The following SULT1E1 variants were observed in gnomAD, a reference collection of about 807,000 sequenced individuals.
SULT1E1 encodes the protein sulfotransferase 1E1.
Under a neutral mutation model 33.6 loss-of-function variants are expected in SULT1E1, and 36 were observed. The observed-to-expected ratio is 1.07, with a 90% CI of 0.82 to 1.41. The LOEUF is 1.41. Ranked by LOEUF, SULT1E1 falls within the 40% of genes most tolerant of loss-of-function variation. The pLI is 0.00. For missense variants in SULT1E1, 371 were observed against 345.7 expected (o/e 1.07, Z -0.58); for synonymous variants, 121 against 111.7 (o/e 1.08, Z -0.53).
chr4:69,845,254 A>G lies in SULT1E1; in HGVS notation c.592-913T>C, dbSNP rs532743057. 2.6e-4 allele frequency among the ~76,000 whole-genome samples: 39 copies of G among 152,100 alleles called. No individual in the cohort carries two copies. The South Asian group carries it at 4.6e-3, about 18-fold the overall frequency. ...TATCATGGTGACTACAGTAGACAAT[A>G]ATTTATTGTACATTTTAAAATAATT... is the stretch of plus-strand genomic sequence containing the variant. On this transcript the variant is annotated intron_variant, in intron 6 of 7. Transcript: ENST00000226444.
the SULT1E1 span, among the ~76,000 whole-genome samples, chr4:69,829,680 A>C: frequency 2.6e-5 from 4 of 152,180 alleles, no homozygotes; most frequent in Non-Finnish European, 5.9e-5. Context: ...ACAATTTGGA[A>C]GGTATAGGAA....
intron 6 of SULT1E1, among the ~76,000 whole-genome samples, chr4:69,847,394 G>T (rs1720999307): frequency 1.3e-5 from 2 of 151,476 alleles, no homozygotes; most frequent in South Asian, 4.2e-4. Flanking sequence ...GATTCCTTGT[G>T]TGTGAATGTG....
the SULT1E1 span, among the ~76,000 whole-genome samples, chr4:69,824,964 C>T: frequency 3.2e-4 from 49 of 152,302 alleles, no homozygotes; most frequent in Non-Finnish European, 5.7e-4. Flanking sequence ...GTTGCTCTTT[C>T]GGGTCACTAC....
the SULT1E1 span, among the ~76,000 whole-genome samples, chr4:69,832,810 A>T: frequency 6.6e-6 from 1 of 150,854 alleles, no homozygotes; most frequent in African/African-American, 2.5e-5. Flanking sequence ...AAGAACTCAT[A>T]ACACTTACAG....
chr4:69,859,425 T>C (rs976254552), intron 1 of SULT1E1, among the ~76,000 whole-genome samples: 1 of 152,110 alleles, frequency 6.6e-6, no homozygotes, highest in African/African-American at 2.4e-5. Flanking sequence ...TTTACCTGTA[T>C]GAGGGCAAAG....
At chr4:69,833,144 T>C in the SULT1E1 span, among the ~76,000 whole-genome samples, 1 of 152,230 alleles carries the variant, frequency 6.6e-6, no homozygotes, top group Non-Finnish European at 1.5e-5. Flanking sequence ...CTGCAATTTA[T>C]ATGGAACCCT....
chr4:69,829,424 T>C, the SULT1E1 span, among the ~76,000 whole-genome samples: 1 of 152,208 alleles, frequency 6.6e-6, no homozygotes, highest in Non-Finnish European at 1.5e-5. Flanking sequence ...CCTGATTTAC[T>C]GTCAGTCCAA....
chr4:69,823,782 A>C, the SULT1E1 span, among the ~76,000 whole-genome samples: 2 of 152,192 alleles, frequency 1.3e-5, no homozygotes, highest in Non-Finnish European at 2.9e-5. Context: ...TAGCTCTGCT[A>C]TCTGAGCAGA....
Position 69,849,437 on chromosome 4 carries a change from C to G in SULT1E1, c.496G>C (p.Val166Leu). The change falls in exon 5 of 8, where the codon GTT becomes CTT. Residue 166 changes from valine to leucine, a missense_variant and splice_region_variant. By Grantham distance (32) the Val-to-Leu change is conservative. Coordinates refer to ENST00000226444, the MANE Select transcript of SULT1E1 (RefSeq NM_005420.3). ...EFVEKFMQGQ[V>L]PYGSWYKHVK... ...TTCAGTGTAAAGAAGCTGTTCCTAC[C>G]CTGTCCTTGCATGAATTTCTCCACA... is the stretch of plus-strand genomic sequence containing the variant. 1 of 1,608,750 alleles carries G rather than the reference C, an allele frequency of 6.2e-7. No homozygotes were observed. The highest frequency in any genetic ancestry group is 8.5e-7 in the Non-Finnish European group (1 of 1,176,284).
chr4:69,823,863 A>AT, the SULT1E1 span, among the ~76,000 whole-genome samples: 7,097 of 151,666 alleles, frequency 0.047, 554 homozygotes, highest in African/African-American at 0.16. Context: ...CGCTCAGTGG[A>AT]CCCCCCCTAG....
Position 69,844,278 on chromosome 4 carries a change from C to T in SULT1E1, c.655G>A (p.Val219Met). 2 of 1,613,872 alleles carry T rather than the reference C, an allele frequency of 1.2e-6. No individual in the cohort carries two copies. The highest frequency in any genetic ancestry group is 1.7e-6 in the Non-Finnish European group (2 of 1,179,842). The change falls in exon 7 of 8, where the codon GTG becomes ATG. Residue 219 changes from valine to methionine, a missense_variant. Transcript: ENST00000226444. ...FLERKPSEEL[V>M]DRIIHHTSFQ... ...GAAGTATGATGTATAATCCTGTCCA[C>T]AAGCTCCTCTGATGGCTTCCTTTCC...
chr4:69,856,996 A>AT lies in SULT1E1; in HGVS notation c.145+503dup, dbSNP rs1282911068. ...GGGCATACTTAGTGTGTTTGGCTTT[A>AT]TTTTTAAGTGGTAAATGGAACAACC... On this transcript the variant is annotated intron_variant, in intron 2 of 7. Transcript: ENST00000226444. 2.1e-5 allele frequency among the ~76,000 whole-genome samples: 3 copies of AT among 144,304 alleles called. No individual in the cohort carries two copies. In the East Asian group the frequency reaches 6.4e-4, roughly 31 times the overall value. The allele number at this position is 144,304 out of a possible 152,430, so 94.7% of individuals were successfully genotyped here. A position where few individuals can be genotyped will look rare whatever the true frequency, so the allele number is the denominator to read the frequency against.
At chr4:69,851,515 C>T (rs1361156110) in intron 4 of SULT1E1, among the ~76,000 whole-genome samples, 2 of 152,202 alleles carry the variant, frequency 1.3e-5, no homozygotes, top group Non-Finnish European at 2.9e-5. Context: ...AACACTTTTA[C>T]ACTGTTGATG....
At position 69,841,857 on chromosome 4, in the gene SULT1E1, AG is replaced by A; in HGVS notation, c.*136del. ...CTCTGTCTCAAAAAAAAAAAAAAAA[AG>A]TTAAACAAAAATTTAAAAAGAAAAT... On this transcript the variant is annotated 3_prime_UTR_variant, in exon 8 of 8. Coordinates refer to ENST00000226444, the MANE Select transcript of SULT1E1 (RefSeq NM_005420.3). 3 of 539,588 alleles carry A rather than the reference AG, an allele frequency of 5.6e-6. No homozygotes were observed. The highest frequency in any genetic ancestry group is 2.5e-5 in the South Asian group (1 of 39,900). The allele number at this position is 539,588 out of a possible 1,614,324, so 33.4% of individuals were successfully genotyped here.
At chr4:69,851,625 T>A (rs373774632) in intron 4 of SULT1E1, among the ~76,000 whole-genome samples, 2 of 152,166 alleles carry the variant, frequency 1.3e-5, no homozygotes, top group South Asian at 2.1e-4. Flanking sequence ...CATTACTGGG[T>A]ATATACCCAA....
chr4:69,840,815 G>A (rs1478995146), downstream of SULT1E1, among the ~76,000 whole-genome samples: 1 of 152,120 alleles, frequency 6.6e-6, no homozygotes, highest in Non-Finnish European at 1.5e-5. Context: ...GGGAGGCTGA[G>A]GCGGGTGGAT....
At chr4:69,859,786 A>G (rs907019516) in intron 1 of SULT1E1, among the ~76,000 whole-genome samples, 5 of 152,254 alleles carry the variant, frequency 3.3e-5, no homozygotes, top group African/African-American at 1.2e-4. Context: ...TCCAGCATTC[A>G]GCACTTTTAA....
chr4:69,854,447 A>G (rs1344532907), intron 3 of SULT1E1, 133 bp from the exon 4 acceptor site: 3 of 589,742 alleles, frequency 5.1e-6, no homozygotes, highest in Non-Finnish European at 8.3e-6. Context: ...AACACAAAGT[A>G]TAAATTCTTG....
intron 4 of SULT1E1, among the ~76,000 whole-genome samples, chr4:69,851,738 T>C (rs1442601270): frequency 6.6e-6 from 1 of 152,116 alleles, no homozygotes; most frequent in Non-Finnish European, 1.5e-5. Flanking sequence ...TATCCAACAA[T>C]GATAGACTGG....
Sources: allele counts gnomAD v4.1 joint callset (sites outside exome capture counted in the v4.1 genomes callset), GRCh38; gene constraint gnomAD v4.1.1; transcripts MANE v1.5; gene names NCBI Gene and HGNC (gene_info 2026-07-23, HGNC 2026-07-21).